Variants in STRN observed in about 807,000 individuals in gnomAD.
STRN encodes the protein protein phosphatase 2 regulatory subunit B'''alpha.
STRN carries 53 observed loss-of-function variants against 96.3 expected under a neutral mutation model. The observed-to-expected ratio is 0.55, with a 90% CI of 0.44 to 0.69. STRN has a LOEUF of 0.69. Ranked by LOEUF, STRN falls within the 30% of genes least tolerant of loss-of-function variation. The pLI, the probability that STRN is intolerant of heterozygous loss-of-function variation, is 0.00. For missense variants in STRN, 987 were observed against 963.9 expected (o/e 1.02, Z -0.32); for synonymous variants, 428 against 355.9 (o/e 1.20, Z -2.28).
intron 2 of STRN, among the ~76,000 whole-genome samples, chr2:36,924,750 C>G (rs1020479052): frequency 6.6e-6 from 1 of 152,104 alleles, no homozygotes; most frequent in African/African-American, 2.4e-5. Context: ...AAAAATTATT[C>G]CAACATTTAA....
intron 13 of STRN, among the ~76,000 whole-genome samples, chr2:36,860,062 G>A (rs1357208592): frequency 2.0e-5 from 3 of 152,146 alleles, no homozygotes; most frequent in Non-Finnish European, 2.9e-5. Flanking sequence ...TCAAGAAAAG[G>A]CTTCTCCTTG....
intron 7 of STRN, among the ~76,000 whole-genome samples, chr2:36,890,155 A>G (rs996354082): frequency 6.6e-6 from 1 of 152,214 alleles, no homozygotes; most frequent in African/African-American, 2.4e-5. Context: ...CTTGCCTAAA[A>G]TATGAGTAAC....
At chr2:36,956,195 T>C (rs1191243460) in intron 1 of STRN, among the ~76,000 whole-genome samples, 1 of 152,208 alleles carries the variant, frequency 6.6e-6, no homozygotes, top group Non-Finnish European at 1.5e-5. Flanking sequence ...AGGACTTATA[T>C]AAATAATAAA....
At chr2:36,950,676 G>C (rs972562236) in intron 1 of STRN, among the ~76,000 whole-genome samples, 1 of 152,152 alleles carries the variant, frequency 6.6e-6, no homozygotes, top group Non-Finnish European at 1.5e-5. Context: ...CCAGATTTCA[G>C]GAAGTGTCTA....
chr2:36,922,518 CAAA>C (rs749446955), intron 2 of STRN, among the ~76,000 whole-genome samples: 19 of 91,108 alleles, frequency 2.1e-4, no homozygotes, highest in South Asian at 7.3e-4. Flanking sequence ...GACCCTGTCT[CAAA>C]AAAAAAAAAA....
intron 12 of STRN, 138 bp from the exon 13 acceptor site, chr2:36,861,391 T>A: frequency 8.8e-7 from 1 of 1,141,728 alleles, no homozygotes; most frequent in Non-Finnish European, 1.2e-6. Flanking sequence ...ACAGGTACTA[T>A]CAAAGCACTG....
Position 36,905,453 on chromosome 2 carries a change from T to A in STRN, c.491+87A>T, listed in dbSNP as rs114429741. Reference sequence around the variant, plus strand: ...GCATCTGTATGAGATAAAATATTCATCTGACTTGAAAATACACAGTAAAAA... The same window carrying A: ...GCATCTGTATGAGATAAAATATTCAACTGACTTGAAAATACACAGTAAAAA... On this transcript the variant is annotated intron_variant, in intron 4 of 17. Coordinates refer to ENST00000263918, the MANE Select transcript of STRN (RefSeq NM_003162.4). 1,225 of 1,190,490 alleles carry A rather than the reference T, an allele frequency of 1.0e-3. 8 individuals are homozygous for A. The African/African-American group carries it at 0.016, about 16-fold the overall frequency. 73.7% of individuals were successfully genotyped at this position (1,190,490 alleles called of 1,614,324 possible).
rs775637360 is a variant in STRN at position 36,897,445 on chromosome 2, A to ATAT, written c.795+2077_795+2078insATA. On this transcript the variant is annotated intron_variant, in intron 6 of 17. Coordinates refer to ENST00000263918, the MANE Select transcript of STRN (RefSeq NM_003162.4). ...AAAAAAAACTAAAAAATATATATATATTTTTTTTTTGAGACAGTCTCGCTC... is the reference window on the plus strand; with the variant it reads ...AAAAAAAACTAAAAAATATATATATATATTTTTTTTTTTGAGACAGTCTCGCTC... Among the ~76,000 whole-genome samples, 3 of 149,708 alleles carry ATAT rather than the reference A, an allele frequency of 2.0e-5. 1 individual carries two copies. The highest frequency in any genetic ancestry group is 6.6e-5 in the Admixed American group (1 of 15,110).
chr2:36,956,874 T>C (rs1333734688), intron 1 of STRN, among the ~76,000 whole-genome samples: 4 of 152,220 alleles, frequency 2.6e-5, no homozygotes, highest in Non-Finnish European at 5.9e-5. Flanking sequence ...AATAAGAGAA[T>C]TCAGTTTCCA....
intron 1 of STRN, among the ~76,000 whole-genome samples, chr2:36,956,098 T>G (rs548034606): frequency 7.2e-4 from 110 of 152,298 alleles, no homozygotes; most frequent in African/African-American, 2.5e-3. Context: ...GGATTAGGGA[T>G]GCTCAACCTG....
intron 10 of STRN, among the ~76,000 whole-genome samples, chr2:36,874,149 A>G (rs895822477): frequency 5.9e-5 from 9 of 151,896 alleles, no homozygotes; most frequent in African/African-American, 2.2e-4. Flanking sequence ...CTGCAGTCCC[A>G]GCTACATGGA....
In STRN at chr2:36,848,936, T is replaced by G. The variant is rs1270730755; in HGVS notation, c.*520A>C. The G allele has an allele frequency of 6.5e-6, 1 of 153,198 alleles. No homozygotes were observed. The highest frequency in any genetic ancestry group is 1.5e-5 in the Non-Finnish European group (1 of 68,470). 9.5% of individuals were successfully genotyped at this position (153,198 alleles called of 1,614,324 possible). On this transcript the variant is annotated 3_prime_UTR_variant, in exon 18 of 18. Transcript: ENST00000263918. The stretch of plus-strand genomic sequence containing the variant: ...TGAACAGCTGAAAGGAGAGTCAAAT[T>G]AAAAACTCAGTTTAACACTGCCTGG...
At chr2:36,877,787 C>A (rs112912338) in intron 10 of STRN, 104 bp downstream of exon 10, 5 of 1,311,892 alleles carry the variant, frequency 3.8e-6, no homozygotes. Flanking sequence ...CCGCCCACCT[C>A]GGCCTCCCAA....
At chr2:36,888,639 A>ATGTGTGTG (rs70946958) in intron 7 of STRN, among the ~76,000 whole-genome samples, 20,577 of 145,048 alleles carry the variant, frequency 0.14, 1,820 homozygotes, top group Non-Finnish European at 0.2. Context: ...TTTAATTTAT[A>ATGTGTGTG]TGTGTGTGTG....
intron 3 of STRN, among the ~76,000 whole-genome samples, chr2:36,908,889 G>C (rs1669892286): frequency 6.6e-6 from 1 of 151,972 alleles, no homozygotes. Flanking sequence ...GCTGAGGCAG[G>C]AGAATCACAT....
At chr2:36,945,077 A>G (rs1410885601) in intron 1 of STRN, among the ~76,000 whole-genome samples, 1 of 152,238 alleles carries the variant, frequency 6.6e-6, no homozygotes, top group African/African-American at 2.4e-5. Flanking sequence ...CAAACAGTTA[A>G]AAGTAATGGA....
rs1441383205 is a variant in STRN, at chr2:36,840,885, G to C, written c.*8571C>G. On this transcript the variant is annotated 3_prime_UTR_variant, in exon 18 of 18. Coordinates refer to ENST00000263918, the MANE Select transcript of STRN (RefSeq NM_003162.4). ...AAATCCAGAAGATTTTGAAATGCAG[G>C]AGATAAACATCACATATTCCTTATT... The C allele has an allele frequency of 6.6e-6, 1 of 152,132 alleles. No homozygotes were observed. The highest frequency in any genetic ancestry group is 1.5e-5 in the Non-Finnish European group (1 of 68,026). 9.4% of individuals were successfully genotyped at this position (152,132 alleles called of 1,614,324 possible).
intron 14 of STRN, among the ~76,000 whole-genome samples, chr2:36,855,733 T>C (rs1668328229): frequency 6.6e-6 from 1 of 152,188 alleles, no homozygotes; most frequent in Admixed American, 6.5e-5. Context: ...ATTAGGGATG[T>C]TAGCTCATCA....
chr2:36,910,261 G>A (rs577449011), intron 3 of STRN, among the ~76,000 whole-genome samples: 10 of 151,426 alleles, frequency 6.6e-5, no homozygotes, highest in East Asian at 3.9e-4. Context: ...ACACGTGAGC[G>A]GAAGACTTTA....
Sources: gnomAD v4.1 joint callset for allele counts (sites outside exome capture counted in the v4.1 genomes callset) on GRCh38, gnomAD v4.1.1 for gene constraint, MANE v1.5 for transcripts, NCBI Gene and HGNC (gene_info 2026-07-23, HGNC 2026-07-21) for gene names.